The following KCNMA1 variants were observed in gnomAD, a reference collection of about 807,000 sequenced individuals.
KCNMA1 encodes Calcium-activated potassium channel subunit alpha-1.
A neutral mutation model predicts 140.0 loss-of-function variants in KCNMA1; 29 were observed. The observed-to-expected ratio is 0.21, with a 90% CI of 0.15 to 0.28. The LOEUF (loss-of-function observed/expected upper bound fraction) is 0.28. Among genes scored for constraint, KCNMA1 ranks in the 10% least tolerant of loss-of-function variants. The probability of loss-of-function intolerance (pLI) is 1.00; values close to 1 mark genes in which losing one functional copy is unlikely to be tolerated. For missense variants in KCNMA1, 880 were observed against 1,602.2 expected (o/e 0.55, Z 7.70); for synonymous variants, 612 against 611.9 (o/e 1.00, Z 0.00).
chr10:77,212,820 T>C (rs2046499637), intron 3 of KCNMA1, among the ~76,000 whole-genome samples: 1 of 152,166 alleles, frequency 6.6e-6, no homozygotes. Flanking sequence ...CTTCAATTCC[T>C]ACTACCACAC....
At chr10:77,596,644 A>G (rs2081026903) in intron 1 of KCNMA1, among the ~76,000 whole-genome samples, 1 of 152,196 alleles carries the variant, frequency 6.6e-6, no homozygotes, top group Non-Finnish European at 1.5e-5. Context: ...CGGGAGCACA[A>G]TCCAATGTTC....
At chr10:76,948,709 AT>A (rs2065153006) in intron 22 of KCNMA1, among the ~76,000 whole-genome samples, 1 of 152,186 alleles carries the variant, frequency 6.6e-6, no homozygotes, top group Non-Finnish European at 1.5e-5. Flanking sequence ...GAACTCTGTT[AT>A]TTGCATTTAT....
At chr10:77,034,381 G>T (rs2094172728) in intron 15 of KCNMA1, among the ~76,000 whole-genome samples, 1 of 152,052 alleles carries the variant, frequency 6.6e-6, no homozygotes, top group South Asian at 2.1e-4. Context: ...TTCAAATTTG[G>T]ATGTCTTTCT....
chr10:76,978,388 A>T (rs755576182), intron 19 of KCNMA1: 4 of 152,220 alleles, frequency 2.6e-5, no homozygotes, highest in Non-Finnish European at 5.9e-5. Flanking sequence ...TATGCCAATG[A>T]ATTATGTATT....
At chr10:77,533,704 A>T (rs2058232964) in intron 1 of KCNMA1, among the ~76,000 whole-genome samples, 1 of 152,142 alleles carries the variant, frequency 6.6e-6, no homozygotes, top group Non-Finnish European at 1.5e-5. Context: ...ATAAAATCAA[A>T]TCCTAACAAA....
chr10:77,510,695 G>A (rs1377904856), intron 1 of KCNMA1, among the ~76,000 whole-genome samples: 2 of 151,816 alleles, frequency 1.3e-5, no homozygotes, highest in African/African-American at 2.4e-5. Flanking sequence ...CTACTTGGGA[G>A]CCTGAGGCAG....
intron 2 of KCNMA1, among the ~76,000 whole-genome samples, chr10:77,382,736 G>A (rs1368944583): frequency 6.6e-6 from 1 of 150,720 alleles, no homozygotes; most frequent in East Asian, 2.0e-4. Flanking sequence ...GTGGTGGTGG[G>A]TGCCTGTAAT....
chr10:77,039,457 G>T, intron 15 of KCNMA1, 71 bp downstream of exon 15: 1 of 888,332 alleles, frequency 1.1e-6, no homozygotes, highest in East Asian at 2.5e-5. Flanking sequence ...AGCAGAGGTG[G>T]GAGGCTTCCT....
chr10:77,346,653 G>A (rs543185885), intron 2 of KCNMA1, among the ~76,000 whole-genome samples: 1 of 152,286 alleles, frequency 6.6e-6, no homozygotes, highest in Non-Finnish European at 1.5e-5. Flanking sequence ...CACCTTGACT[G>A]TTAAATAAGT....
At chr10:76,947,699 GT>G (rs1269857979) in intron 22 of KCNMA1, among the ~76,000 whole-genome samples, 1 of 152,174 alleles carries the variant, frequency 6.6e-6, no homozygotes, top group Non-Finnish European at 1.5e-5. Context: ...AAGGCAGTGG[GT>G]TTTTGGCCCA....
chr10:77,600,559 A>C (rs1305130056), intron 1 of KCNMA1, among the ~76,000 whole-genome samples: 2 of 151,800 alleles, frequency 1.3e-5, no homozygotes, highest in African/African-American at 4.8e-5. Flanking sequence ...GACCAGCCTG[A>C]CCAACATGGA....
intron 5 of KCNMA1, among the ~76,000 whole-genome samples, chr10:77,159,743 T>A (rs2098534136): frequency 6.6e-6 from 1 of 152,140 alleles, no homozygotes; most frequent in African/African-American, 2.4e-5. Flanking sequence ...TGGAAAGTCT[T>A]CCCTGGGACA....
intron 19 of KCNMA1, among the ~76,000 whole-genome samples, chr10:76,986,001 A>C (rs2081171521): frequency 6.6e-6 from 1 of 152,226 alleles, no homozygotes; most frequent in Non-Finnish European, 1.5e-5. Context: ...ATAAACCTCA[A>C]ATGGGATCAA....
At chr10:77,501,558 A>G (rs1242905346) in intron 1 of KCNMA1, among the ~76,000 whole-genome samples, 1 of 152,134 alleles carries the variant, frequency 6.6e-6, no homozygotes, top group Non-Finnish European at 1.5e-5. Flanking sequence ...TTGTCATCTC[A>G]GGGCCTCCTT....
chr10:77,637,295 G>A lies in KCNMA1; in HGVS notation c.348C>T (p.Thr116=), dbSNP rs200178895. The change falls in exon 1 of 28, where the codon ACC becomes ACT. Residue 116 remains threonine, a synonymous_variant. Transcript: ENST00000286628. ...TCTTGCCCCCGCAGTGGCAGCACAC[G>A]GTCCACAGGTACTTGAGCGTCCGCC... is the stretch of plus-strand genomic sequence containing the variant. ...LLWRTLKYLW[T]VCCHCGGKTK... The A allele has an allele frequency of 6.2e-7, 1 of 1,610,246 alleles. No homozygotes were observed. Among genetic ancestry groups the A allele is most frequent in the African/African-American group, 1.3e-5 (1 of 74,908 alleles).
intron 17 of KCNMA1, 171 bp from the exon 18 acceptor site, chr10:77,012,214 T>C: frequency 8.7e-6 from 13 of 1,490,834 alleles, no homozygotes; most frequent in Non-Finnish European, 1.2e-5. Context: ...TGCAAGACCA[T>C]TTATTTCAAA....
At chr10:77,320,376 C>G (rs1565952820) in intron 2 of KCNMA1, among the ~76,000 whole-genome samples, 1 of 152,198 alleles carries the variant, frequency 6.6e-6, no homozygotes, top group Non-Finnish European at 1.5e-5. Context: ...GCAGGTTTCT[C>G]TGCAAGGAAG....
At chr10:77,184,062 T>TCACACTCA (rs1554948726) in intron 4 of KCNMA1, among the ~76,000 whole-genome samples, 2 of 147,912 alleles carry the variant, frequency 1.4e-5, no homozygotes, top group Non-Finnish European at 3.0e-5. Flanking sequence ...ATGTACGCAT[T>TCACACTCA]CACACACACA....
chr10:77,239,533 C>G (rs1456745085), intron 3 of KCNMA1, among the ~76,000 whole-genome samples: 2 of 152,166 alleles, frequency 1.3e-5, no homozygotes, highest in Admixed American at 6.5e-5. Flanking sequence ...GGAGCCCTAC[C>G]TACTATTTCT....
Sources: allele counts gnomAD v4.1 joint callset (sites outside exome capture counted in the v4.1 genomes callset), GRCh38; gene constraint gnomAD v4.1.1; transcripts MANE v1.5; gene names NCBI Gene and HGNC (gene_info 2026-07-23, HGNC 2026-07-21).